ROR2: variants seen among roughly 807,000 people sequenced by gnomAD.
ROR2 encodes tyrosine-protein kinase transmembrane receptor ROR2.
Under a neutral mutation model 74.9 loss-of-function variants are expected in ROR2, and 33 were observed. That is an observed-to-expected ratio of 0.44 (90% confidence interval 0.33 to 0.59). ROR2 has a LOEUF of 0.59. ROR2 is among the 20% of genes least tolerant of loss of function. The pLI is 0.02. For missense variants in ROR2, 1,216 were observed against 1,313.8 expected, an observed-to-expected ratio of 0.93 and a Z score of 1.15; for synonymous variants, 586 against 558.7, an observed-to-expected ratio of 1.05 and a Z score of -0.69.
chr9:91,943,050 T>A (rs1831919903), intron 1 of ROR2, among the ~76,000 whole-genome samples: 1 of 152,224 alleles, frequency 6.6e-6, no homozygotes, highest in Admixed American at 6.5e-5. Context: ...GTATAATCCA[T>A]GCTTGTCTTT....
intron 1 of ROR2, among the ~76,000 whole-genome samples, chr9:91,817,553 C>T (rs529927597): frequency 2.0e-5 from 3 of 152,294 alleles, no homozygotes; most frequent in South Asian, 4.1e-4. Context: ...ACGTCTCCTC[C>T]GGGGAGTGAA....
rs1342582443 is a variant in ROR2, at chr9:91,774,628, G to A, written c.175+1113C>T. Among the ~76,000 whole-genome samples the A allele has an allele frequency of 2.0e-5, 3 of 152,162 alleles. No homozygotes were observed. In the East Asian group the frequency reaches 5.8e-4, roughly 29 times the overall value. On this transcript the variant is annotated intron_variant, in intron 2 of 8. Coordinates refer to ENST00000375708, the MANE Select transcript of ROR2 (RefSeq NM_004560.4). Reference sequence around the variant, plus strand: ...TTTTAATCGGCTTTAATCAGGTGCTGCAGCCAAGGAGATGAGAACTCAGTC... The same window carrying A: ...TTTTAATCGGCTTTAATCAGGTGCTACAGCCAAGGAGATGAGAACTCAGTC...
intron 1 of ROR2, among the ~76,000 whole-genome samples, chr9:91,912,230 A>G (rs7851343): frequency 1.3e-5 from 2 of 152,198 alleles, no homozygotes; most frequent in Non-Finnish European, 2.9e-5. Flanking sequence ...AAATGTATCA[A>G]TTGACTTAAG....
chr9:91,812,592 T>C (rs1165071712), intron 1 of ROR2, among the ~76,000 whole-genome samples: 1 of 147,608 alleles, frequency 6.8e-6, no homozygotes, highest in Admixed American at 6.7e-5. Flanking sequence ...GTGTGTGGCC[T>C]GTCGCACACA....
intron 6 of ROR2, 37 bp from the exon 7 acceptor site, chr9:91,731,192 T>G: frequency 6.2e-7 from 1 of 1,613,152 alleles, no homozygotes; most frequent in Non-Finnish European, 8.5e-7. Context: ...ACCTCCGGGG[T>G]ACAACAAAAC....
At chr9:91,825,881 A>G (rs1348302300) in intron 1 of ROR2, among the ~76,000 whole-genome samples, 1 of 152,230 alleles carries the variant, frequency 6.6e-6, no homozygotes, top group African/African-American at 2.4e-5. Flanking sequence ...AGGCAAGAGA[A>G]AGAAAGAGAA....
chr9:91,948,492 TA>T, intron 1 of ROR2: 1 of 855,850 alleles, frequency 1.2e-6, no homozygotes, highest in Non-Finnish European at 1.4e-6. Flanking sequence ...CACAGTGAGA[TA>T]AACGCAAGCT....
chr9:91,837,641 C>T (rs1828650024), intron 1 of ROR2, among the ~76,000 whole-genome samples: 1 of 152,182 alleles, frequency 6.6e-6, no homozygotes, highest in African/African-American at 2.4e-5. Flanking sequence ...TCAAAGCCAT[C>T]TCATAAATTT....
chr9:91,886,371 C>A (rs890179812), intron 1 of ROR2, among the ~76,000 whole-genome samples: 1 of 152,210 alleles, frequency 6.6e-6, no homozygotes, highest in Non-Finnish European at 1.5e-5. Context: ...CAGAACTGGA[C>A]CGACAGCGTG....
chr9:91,776,382 A>C (rs1587708406), intron 1 of ROR2, among the ~76,000 whole-genome samples: 1 of 151,938 alleles, frequency 6.6e-6, no homozygotes, highest in Admixed American at 6.6e-5. Context: ...GTCCAAATTT[A>C]CCCGTCCCCA....
intron 1 of ROR2, among the ~76,000 whole-genome samples, chr9:91,834,148 T>C (rs1373665788): frequency 2.0e-5 from 3 of 152,188 alleles, no homozygotes; most frequent in Non-Finnish European, 2.9e-5. Context: ...TCTATCTTGT[T>C]ACCCAGAGAA....
At chr9:91,843,736 A>C (rs1003178786) in intron 1 of ROR2, among the ~76,000 whole-genome samples, 1 of 152,248 alleles carries the variant, frequency 6.6e-6, no homozygotes, top group Non-Finnish European at 1.5e-5. Context: ...AGTAGAGACA[A>C]GCCCCGTGGC....
At chr9:91,922,274 T>C (rs1485512088) in intron 1 of ROR2, among the ~76,000 whole-genome samples, 3 of 151,986 alleles carry the variant, frequency 2.0e-5, no homozygotes, top group African/African-American at 7.3e-5. Flanking sequence ...AATGACCATG[T>C]GATCCGAAAT....
intron 1 of ROR2, among the ~76,000 whole-genome samples, chr9:91,907,558 T>C (rs1830852675): frequency 6.6e-6 from 1 of 152,122 alleles, no homozygotes; most frequent in Non-Finnish European, 1.5e-5. Context: ...GGGATCAAAA[T>C]TGAGTCAATT....
At chr9:91,798,339 A>G (rs1303836754) in intron 1 of ROR2, among the ~76,000 whole-genome samples, 23 of 53,068 alleles carry the variant, frequency 4.3e-4, no homozygotes, top group East Asian at 1.6e-3. Context: ...TGGGCTAGTG[A>G]GTGGAGCTGA....
intron 1 of ROR2, among the ~76,000 whole-genome samples, chr9:91,843,508 C>A (rs1011066070): frequency 6.6e-6 from 1 of 152,176 alleles, no homozygotes; most frequent in Non-Finnish European, 1.5e-5. Flanking sequence ...AGATGAGAGG[C>A]GCAGGTGGGG....
rs1362360173 is a variant in ROR2 at position 91,733,889 on chromosome 9, G to C, written c.623-453C>G. Among the ~76,000 whole-genome samples the C allele has an allele frequency of 6.6e-6, 1 of 152,188 alleles. No homozygotes were observed. The highest frequency in any genetic ancestry group is 1.5e-5 in the Non-Finnish European group (1 of 68,042). On this transcript the variant is annotated intron_variant, in intron 5 of 8. Coordinates refer to ENST00000375708, the MANE Select transcript of ROR2 (RefSeq NM_004560.4). This position sits in a 1 kb window ranked among gnomAD's most constrained non-coding sequence, Gnocchi z 5.7. ...ATGTCCCAGATCTGTCTGGGGAGAAGGCTGTCCCGGAAGAGGGAGTCAGCT... is the reference window on the plus strand; with the variant it reads ...ATGTCCCAGATCTGTCTGGGGAGAACGCTGTCCCGGAAGAGGGAGTCAGCT...
In ROR2 at chr9:91,724,217, C is replaced by T. The variant is rs369491865; in HGVS notation, c.2277G>A (p.Ala759=). ...TGGTGTTGCTGGCCCCCGAGGTCTG[C>T]GCCGAGCTGTTGTAGTTGGAAAGGT... ...WGNLSNYNSS[A]QTSGASNTTQ... is the part of the protein sequence containing the mutation. Residue 759 remains alanine, a synonymous_variant, in exon 9 of 9, where the codon GCG becomes GCA. Coordinates refer to ENST00000375708, the MANE Select transcript of ROR2 (RefSeq NM_004560.4). 64 of 1,613,312 alleles carry T rather than the reference C, an allele frequency of 4.0e-5. No homozygotes were observed. Among genetic ancestry groups the T allele is most frequent in the Admixed American group, 2.7e-4 (16 of 60,016 alleles).
intron 1 of ROR2, among the ~76,000 whole-genome samples, chr9:91,789,956 A>G (rs1364714357): frequency 6.6e-6 from 1 of 152,228 alleles, no homozygotes; most frequent in African/African-American, 2.4e-5. Context: ...GAATTCAAAA[A>G]CACAAATAGG....
Sources: gnomAD v4.1 joint callset for allele counts (sites outside exome capture counted in the v4.1 genomes callset) on GRCh38, gnomAD v4.1.1 for gene constraint, Gnocchi (gnomAD v3.1) non-coding constraint, MANE v1.5 for transcripts, NCBI Gene and HGNC (gene_info 2026-07-23, HGNC 2026-07-21) for gene names.